The following PLAC1 variants were observed in gnomAD, a reference collection of about 807,000 sequenced individuals.
PLAC1 encodes placenta-specific protein 1.
For missense variants in PLAC1, 136 were observed against 163.2 expected (o/e 0.83, Z 0.91); for synonymous variants, 68 against 62.1 (o/e 1.09, Z -0.44).
chrX:134,684,397 G>C (rs2078508478), intron 2 of PLAC1, among the ~76,000 whole-genome samples: 1 of 76,276 alleles, frequency 1.3e-5, no homozygotes, highest in South Asian at 1.0e-3. Flanking sequence ...GAATGTTACT[G>C]AGTGCTCTGC....
At chrX:134,578,209 G>C (rs758098164) in intron 2 of PLAC1, among the ~76,000 whole-genome samples, 3 of 110,651 alleles carry the variant, frequency 2.7e-5, no homozygotes, top group Admixed American at 9.6e-5. Flanking sequence ...GTCAGGAGAT[G>C]GAGACCATCC....
intron 1 of PLAC1, among the ~76,000 whole-genome samples, chrX:134,738,575 C>T (rs1329285972): frequency 4.5e-5 from 5 of 112,171 alleles, no homozygotes; most frequent in Admixed American, 3.8e-4. Flanking sequence ...TCTTCCCCAC[C>T]CTCTCTGGGA....
chrX:134,598,056 T>C (rs1255742859), intron 2 of PLAC1, among the ~76,000 whole-genome samples: 1 of 112,201 alleles, frequency 8.9e-6, no homozygotes, highest in Non-Finnish European at 1.9e-5. Flanking sequence ...CTAGGGTTTA[T>C]AGTTGTACTT....
chrX:134,625,991 C>T (rs1222032956), intron 1 of PLAC1, among the ~76,000 whole-genome samples: 1 of 111,203 alleles, frequency 9.0e-6, no homozygotes, highest in Non-Finnish European at 1.9e-5. Flanking sequence ...TCCTCTGTGC[C>T]CTGAGCAACC....
chrX:134,739,354 T>G (rs1489893905), intron 1 of PLAC1, among the ~76,000 whole-genome samples: 2 of 112,464 alleles, frequency 1.8e-5, no homozygotes, highest in Non-Finnish European at 3.8e-5. Context: ...GTGGGAACTT[T>G]TTTTTGAAAC....
At chrX:134,717,206 C>T (rs755798412) in intron 2 of PLAC1, among the ~76,000 whole-genome samples, 11 of 111,285 alleles carry the variant, frequency 9.9e-5, no homozygotes, top group Admixed American at 8.6e-4. Flanking sequence ...GGTAGATGGC[C>T]AAACTGAAAC....
chrX:134,608,429 A>C (rs1306277611), intron 1 of PLAC1, among the ~76,000 whole-genome samples: 6 of 112,197 alleles, frequency 5.3e-5, no homozygotes, highest in Non-Finnish European at 1.1e-4. Context: ...AGCCAGACAC[A>C]AAAAGACTGC....
chrX:134,589,179 G>A (rs958996198), intron 2 of PLAC1, among the ~76,000 whole-genome samples: 2 of 111,408 alleles, frequency 1.8e-5, no homozygotes, highest in Non-Finnish European at 3.8e-5. Context: ...GGGTCCTAAA[G>A]TCAAAGTCTA....
At chrX:134,681,277 G>A (rs2078494971) in intron 2 of PLAC1, among the ~76,000 whole-genome samples, 1 of 111,318 alleles carries the variant, frequency 9.0e-6, no homozygotes, top group Non-Finnish European at 1.9e-5. Context: ...TAAATGAGTG[G>A]TAAACACTTT....
At chrX:134,575,203 T>C (rs2077931206) in intron 2 of PLAC1, among the ~76,000 whole-genome samples, 1 of 111,311 alleles carries the variant, frequency 9.0e-6, no homozygotes, top group Non-Finnish European at 1.9e-5. Context: ...CCAAAAGTGC[T>C]TTGCAGTTGA....
intron 1 of PLAC1, among the ~76,000 whole-genome samples, chrX:134,762,971 T>C (rs1424986613): frequency 9.1e-6 from 1 of 110,482 alleles, no homozygotes; most frequent in Non-Finnish European, 1.9e-5. Flanking sequence ...CCACTTTTTG[T>C]AACAAGCTTT....
intron 1 of PLAC1, among the ~76,000 whole-genome samples, chrX:134,761,351 T>C (rs1347224351): frequency 8.9e-6 from 1 of 111,885 alleles, no homozygotes; most frequent in Non-Finnish European, 1.9e-5. Context: ...AGCACATTAA[T>C]GTATTGCCAA....
At chrX:134,733,532 G>A (rs756180870) in intron 1 of PLAC1, 3 of 111,526 alleles carry the variant, frequency 2.7e-5, no homozygotes, top group Admixed American at 9.6e-5. Flanking sequence ...GTGGAGTAGC[G>A]GGGAGATTTG....
At chrX:134,695,950 T>A (rs1432149686) in intron 2 of PLAC1, among the ~76,000 whole-genome samples, 1 of 110,612 alleles carries the variant, frequency 9.0e-6, no homozygotes, top group Non-Finnish European at 1.9e-5. Context: ...CAAGAGGGAT[T>A]TTTTTTCTCC....
chrX:134,631,875 C>G (rs889623814), intron 1 of PLAC1, among the ~76,000 whole-genome samples: 6 of 111,957 alleles, frequency 5.4e-5, no homozygotes, highest in African/African-American at 2.0e-4. Context: ...CTAATGCAGT[C>G]TGCGCAGGAG....
intron 2 of PLAC1, among the ~76,000 whole-genome samples, chrX:134,719,347 C>T (rs757500892): frequency 8.9e-6 from 1 of 112,236 alleles, no homozygotes; most frequent in Admixed American, 9.4e-5. Context: ...AAAATTTTTC[C>T]TAGGGATGCA....
chrX:134,734,513 C>T (rs936181558), intron 1 of PLAC1, among the ~76,000 whole-genome samples: 1 of 112,204 alleles, frequency 8.9e-6, no homozygotes, highest in Non-Finnish European at 1.9e-5. Flanking sequence ...CATACAGGGG[C>T]CTTATTCACA....
chrX:134,586,839 T>TGTGTGTG (rs2078004519), intron 2 of PLAC1, among the ~76,000 whole-genome samples: 1 of 76,653 alleles, frequency 1.3e-5, no homozygotes, highest in Non-Finnish European at 2.5e-5. Flanking sequence ...CCCAGCTAAT[T>TGTGTGTG]TGTGTGTGTG....
At chrX:134,739,003 G>A (rs1448114266) in intron 1 of PLAC1, among the ~76,000 whole-genome samples, 1 of 112,602 alleles carries the variant, frequency 8.9e-6, no homozygotes, top group Non-Finnish European at 1.9e-5. Context: ...GGCTTAAAAT[G>A]TGGGTAAAAT....
Sources: gnomAD v4.1 joint callset for allele counts (sites outside exome capture counted in the v4.1 genomes callset) on GRCh38, gnomAD v4.1.1 for gene constraint, MANE v1.5 for transcripts, NCBI Gene and HGNC (gene_info 2026-07-23, HGNC 2026-07-21) for gene names.